The following SHOC1 variants were observed in gnomAD, a reference collection of about 807,000 sequenced individuals.
SHOC1 encodes the protein shortage in chiasmata 1.
A neutral mutation model predicts 179.2 loss-of-function variants in SHOC1; 136 were observed. The ratio of observed to expected loss-of-function variants is 0.76; its 90% CI spans 0.66 to 0.87. SHOC1 has a LOEUF of 0.87. Ranked by LOEUF, SHOC1 falls within the 40% of genes least tolerant of loss-of-function variation. The probability of loss-of-function intolerance (pLI) is 0.00; values close to 1 mark genes in which losing one functional copy is unlikely to be tolerated. For missense variants in SHOC1, 1,538 were observed against 1,700.8 expected, an observed-to-expected ratio of 0.90 and a Z score of 1.68; for synonymous variants, 489 against 586.6, an observed-to-expected ratio of 0.83 and a Z score of 2.41.
At chr9:111,721,965 GT>G in intron 15 of SHOC1, among the ~76,000 whole-genome samples, 1 of 152,240 alleles carries the variant, frequency 6.6e-6, no homozygotes, top group East Asian at 1.9e-4. Flanking sequence ...TTAAAAACTG[GT>G]TTAATGTATT....
intron 9 of SHOC1, 130 bp downstream of exon 9, chr9:111,747,962 A>T: frequency 1.8e-6 from 1 of 544,526 alleles, no homozygotes; most frequent in Non-Finnish European, 3.2e-6. Context: ...AGAAAAAATG[A>T]CAGGATTATA....
chr9:111,732,091 A>C (rs1311034769), intron 12 of SHOC1, among the ~76,000 whole-genome samples: 2 of 152,228 alleles, frequency 1.3e-5, no homozygotes, highest in Non-Finnish European at 2.9e-5. Context: ...AACCACAATG[A>C]AATAACCACA....
intron 17 of SHOC1, among the ~76,000 whole-genome samples, chr9:111,714,143 T>C (rs1045955866): frequency 2.6e-5 from 4 of 152,154 alleles, no homozygotes; most frequent in Non-Finnish European, 5.9e-5. Context: ...GTCTCCCTAA[T>C]AGGTAGAACT....
At chr9:111,763,773 G>A (rs1276044255) in intron 5 of SHOC1, among the ~76,000 whole-genome samples, 2 of 152,164 alleles carry the variant, frequency 1.3e-5, no homozygotes, top group Admixed American at 6.5e-5. Flanking sequence ...CCTCAGGGAT[G>A]ATGGTGATAA....
At chr9:111,712,981 C>T (rs569273712) in intron 18 of SHOC1, 119 bp downstream of exon 18, 1 of 674,588 alleles carries the variant, frequency 1.5e-6, no homozygotes, top group South Asian at 1.9e-5. Flanking sequence ...TATACGCTTT[C>T]TAAGGGTGAA....
At chr9:111,706,998 A>C (rs1329155700) in intron 19 of SHOC1, among the ~76,000 whole-genome samples, 1 of 152,090 alleles carries the variant, frequency 6.6e-6, no homozygotes, top group African/African-American at 2.4e-5. Context: ...CTCAAATGGG[A>C]GACAGCCTGA....
At chr9:111,773,525 TG>T (rs760111792) in intron 5 of SHOC1, among the ~76,000 whole-genome samples, 49 of 152,274 alleles carry the variant, frequency 3.2e-4, no homozygotes, top group Admixed American at 7.8e-4. Context: ...TTGGCCAGGC[TG>T]GTTTCGAACG....
intron 6 of SHOC1, 54 bp downstream of exon 6, chr9:111,758,641 A>C: frequency 2.0e-6 from 3 of 1,464,732 alleles, no homozygotes; most frequent in Non-Finnish European, 2.8e-6. Flanking sequence ...TGATCATACT[A>C]AAACATTTTC....
intron 10 of SHOC1, among the ~76,000 whole-genome samples, chr9:111,742,538 C>T (rs1457426935): frequency 2.0e-5 from 3 of 152,042 alleles, no homozygotes. Flanking sequence ...AATTACAGCT[C>T]ATCTGTAGCT....
chr9:111,772,805 C>T (rs1835672653), intron 5 of SHOC1, among the ~76,000 whole-genome samples: 1 of 152,158 alleles, frequency 6.6e-6, no homozygotes, highest in South Asian at 2.1e-4. Context: ...GCAGAGTTTC[C>T]AGGGCTGGGG....
At chr9:111,694,062 G>C in intron 25 of SHOC1, 114 bp from the exon 26 acceptor site, 2 of 1,099,458 alleles carry the variant, frequency 1.8e-6, no homozygotes, top group Non-Finnish European at 2.6e-6. Flanking sequence ...GTAGTCTTTC[G>C]AAAGTGATCC....
At chr9:111,755,853 TG>T (rs2131557064) in intron 8 of SHOC1, among the ~76,000 whole-genome samples, 1 of 152,304 alleles carries the variant, frequency 6.6e-6, no homozygotes, top group South Asian at 2.1e-4. Flanking sequence ...CTGGGTGCAG[TG>T]GCTCATGCCT....
intron 5 of SHOC1, among the ~76,000 whole-genome samples, chr9:111,773,013 C>T (rs976055735): frequency 6.6e-6 from 1 of 151,646 alleles, no homozygotes; most frequent in East Asian, 1.9e-4. Flanking sequence ...GCAGAATGGG[C>T]AGGGTGGGGC....
intron 12 of SHOC1, among the ~76,000 whole-genome samples, chr9:111,728,300 T>G (rs1833402027): frequency 6.6e-6 from 1 of 152,180 alleles, no homozygotes; most frequent in African/African-American, 2.4e-5. Context: ...AGTAAAGCCC[T>G]TTTGCTCATA....
chr9:111,761,366 G>A (rs1835126657), intron 5 of SHOC1, among the ~76,000 whole-genome samples: 1 of 152,092 alleles, frequency 6.6e-6, no homozygotes, highest in African/African-American at 2.4e-5. Flanking sequence ...GCCGGGCTTG[G>A]TGGTGGGGAC....
chr9:111,755,436 C>T (rs978160040), intron 8 of SHOC1, among the ~76,000 whole-genome samples: 6 of 152,230 alleles, frequency 3.9e-5, no homozygotes, highest in African/African-American at 1.2e-4. Context: ...CAATGGATAT[C>T]GCAGATCCCC....
At chr9:111,722,921 C>T (rs1589408626) in intron 14 of SHOC1, among the ~76,000 whole-genome samples, 1 of 152,124 alleles carries the variant, frequency 6.6e-6, no homozygotes, top group African/African-American at 2.4e-5. Flanking sequence ...CCTGCCTCAG[C>T]CTCCTGAGTA....
chr9:111,744,923 T>C (rs778751985), intron 10 of SHOC1, among the ~76,000 whole-genome samples: 7 of 152,226 alleles, frequency 4.6e-5, no homozygotes, highest in Non-Finnish European at 1.0e-4. Context: ...GCTATTAAGC[T>C]ATGCAGTTTT....
intron 3 of SHOC1, among the ~76,000 whole-genome samples, chr9:111,782,231 A>T (rs961459243): frequency 1.3e-5 from 2 of 152,120 alleles, no homozygotes; most frequent in African/African-American, 4.8e-5. Context: ...AAAGAAAAAA[A>T]GTTTAGTGGT....
Sources: allele counts gnomAD v4.1 joint callset (sites outside exome capture counted in the v4.1 genomes callset), GRCh38; gene constraint gnomAD v4.1.1; transcripts MANE v1.5; gene names NCBI Gene and HGNC (gene_info 2026-07-23, HGNC 2026-07-21).